ARID2: variants seen among roughly 807,000 people sequenced by gnomAD.
ARID2 encodes the protein AT-rich interactive domain-containing protein 2.
Under a neutral mutation model 184.6 loss-of-function variants are expected in ARID2, and 32 were observed. The observed-to-expected ratio is 0.17, with a 90% CI of 0.13 to 0.23. The LOEUF is 0.23. Ranked by LOEUF, ARID2 falls within the 10% of genes least tolerant of loss-of-function variation. The pLI is 1.00. For synonymous variants in ARID2, 836 were observed against 772.6 expected (o/e 1.08, Z -1.36); for missense variants, 1,696 against 2,197.6 (o/e 0.77, Z 4.56).
chr12:45,731,825 TTAGG>T (rs1359239206), intron 3 of ARID2, among the ~76,000 whole-genome samples: 1 of 152,070 alleles, frequency 6.6e-6, no homozygotes, highest in Non-Finnish European at 1.5e-5. Context: ...TGTTGGTGGC[TTAGG>T]TGACCAGGAT....
intron 15 of ARID2, among the ~76,000 whole-genome samples, chr12:45,858,633 T>C (rs543573007): frequency 6.6e-6 from 1 of 152,330 alleles, no homozygotes; most frequent in South Asian, 2.1e-4. Flanking sequence ...AGGCTTCTCA[T>C]TTATAGTTTC....
At chr12:45,769,098 G>A (rs1323293027) in intron 3 of ARID2, among the ~76,000 whole-genome samples, 1 of 152,256 alleles carries the variant, frequency 6.6e-6, no homozygotes, top group African/African-American at 2.4e-5. Context: ...AATATCCAGA[G>A]TGGCTATAAT....
At chr12:45,761,205 C>T (rs1414326638) in intron 3 of ARID2, among the ~76,000 whole-genome samples, 1 of 152,116 alleles carries the variant, frequency 6.6e-6, no homozygotes, top group African/African-American at 2.4e-5. Flanking sequence ...AGAAGTTTAG[C>T]ATACTCTCCA....
chr12:45,850,355 T>G lies in ARID2; in HGVS notation c.2232T>G (p.Val744=), dbSNP rs1565622264. The change falls in exon 15 of 21, where the codon GTT becomes GTG. Residue 744 remains valine (V), a synonymous_variant. Coordinates refer to ENST00000334344, the MANE Select transcript of ARID2 (RefSeq NM_152641.4). Reference sequence around the variant, plus strand: ...GAGGACCTCCACAGAGTTCTGTTGTTCAGAATCATAGTACAGGGCCACAAC... The same window carrying G: ...GAGGACCTCCACAGAGTTCTGTTGTGCAGAATCATAGTACAGGGCCACAAC... ...VGGGPPQSSV[V]QNHSTGPQPV... The G allele has an allele frequency of 1.2e-6, 2 of 1,614,100 alleles. No individual in the cohort carries two copies. Among genetic ancestry groups the G allele is most frequent in the South Asian group, 2.2e-5 (2 of 91,084 alleles).
chr12:45,818,196 T>C (rs948210374), intron 5 of ARID2, among the ~76,000 whole-genome samples: 1 of 152,128 alleles, frequency 6.6e-6, no homozygotes. Context: ...CTGGAAGAAA[T>C]TGTTTTCTGA....
intron 3 of ARID2, among the ~76,000 whole-genome samples, chr12:45,804,195 C>T (rs1181017655): frequency 1.3e-5 from 2 of 152,140 alleles, no homozygotes; most frequent in Non-Finnish European, 2.9e-5. Flanking sequence ...TGGAAATTCT[C>T]TGAATTGCAC....
intron 11 of ARID2, 107 bp downstream of exon 11, chr12:45,839,603 A>T (rs1055425180): frequency 5.6e-5 from 72 of 1,281,278 alleles, no homozygotes; most frequent in Non-Finnish European, 6.0e-5. Flanking sequence ...TTTACAGTAT[A>T]GTAGGCCAAA....
At chr12:45,826,780 T>C (rs1490473059) in intron 6 of ARID2, among the ~76,000 whole-genome samples, 3 of 152,128 alleles carry the variant, frequency 2.0e-5, no homozygotes, top group Non-Finnish European at 4.4e-5. Flanking sequence ...AGGGCAGATA[T>C]TAAAACCATT....
intron 3 of ARID2, among the ~76,000 whole-genome samples, chr12:45,758,604 C>G (rs1394317331): frequency 6.6e-6 from 1 of 152,146 alleles, no homozygotes; most frequent in African/African-American, 2.4e-5. Context: ...TTGTTTCTCT[C>G]TGATATAACA....
chr12:45,891,079 C>T (rs1400080434), intron 16 of ARID2, among the ~76,000 whole-genome samples: 2 of 151,590 alleles, frequency 1.3e-5, no homozygotes, highest in Non-Finnish European at 2.9e-5. Context: ...GCAGAAGAAG[C>T]ACTTGAACCC....
At chr12:45,870,834 C>A (rs1943916063) in intron 16 of ARID2, among the ~76,000 whole-genome samples, 1 of 152,106 alleles carries the variant, frequency 6.6e-6, no homozygotes, top group African/African-American at 2.4e-5. Flanking sequence ...TACAGATGTA[C>A]ATAGTTTGCT....
At chr12:45,757,811 T>C (rs1941597441) in intron 3 of ARID2, among the ~76,000 whole-genome samples, 1 of 152,244 alleles carries the variant, frequency 6.6e-6, no homozygotes. Context: ...ACTTTTGTCA[T>C]GTGAATGCAG....
intron 3 of ARID2, among the ~76,000 whole-genome samples, chr12:45,802,453 TA>T (rs1405946741): frequency 1.3e-5 from 2 of 152,144 alleles, no homozygotes; most frequent in African/African-American, 4.8e-5. Context: ...AAACACCCTT[TA>T]AAAAATGTTC....
chr12:45,813,262 T>C (rs1942743874), intron 4 of ARID2, among the ~76,000 whole-genome samples: 1 of 152,122 alleles, frequency 6.6e-6, no homozygotes, highest in Non-Finnish European at 1.5e-5. Flanking sequence ...ATCTAGTTCA[T>C]ACTGAAAAGG....
Position 45,850,635 on chromosome 12 carries a change from G to T in ARID2, c.2512G>T (p.Ala838Ser), listed in dbSNP as rs749242367. 2.7e-5 allele frequency: 44 copies of T among 1,613,996 alleles called. No homozygotes were observed. In the South Asian group the frequency reaches 4.3e-4, roughly 16 times the overall value. Residue 838 changes from alanine (A) to serine (S), a missense_variant, in exon 15 of 21, where the codon GCT becomes TCT. Physicochemically the swap from Ala to Ser is moderately conservative, Grantham distance 99. Coordinates refer to ENST00000334344, the MANE Select transcript of ARID2 (RefSeq NM_152641.4). ...GCAAACTTCATCTCAACAGACATCAGCTGGTAGCCAGTCACAAGATACTGT... is the reference window on the plus strand; with the variant it reads ...GCAAACTTCATCTCAACAGACATCATCTGGTAGCCAGTCACAAGATACTGT... ...PVQTSSQQTS[A>S]GSQSQDTVII...
At chr12:45,738,026 A>C (rs1941164131) in intron 3 of ARID2, among the ~76,000 whole-genome samples, 2 of 152,202 alleles carry the variant, frequency 1.3e-5, no homozygotes, top group South Asian at 4.1e-4. Context: ...AATTAATTAA[A>C]AATAAGTGTT....
intron 20 of ARID2, among the ~76,000 whole-genome samples, chr12:45,897,845 G>GT (rs965321061): frequency 1.2e-3 from 176 of 146,900 alleles, no homozygotes; most frequent in African/African-American, 1.8e-3. Context: ...AGTTTTTGAG[G>GT]TTTTTTTTTT....
chr12:45,793,291 C>A (rs543514618), intron 3 of ARID2, among the ~76,000 whole-genome samples: 151 of 151,718 alleles, frequency 1.0e-3, no homozygotes, highest in African/African-American at 3.5e-3. Context: ...CAAGAGTGAA[C>A]CTCCATTAAA....
rs1361120748 is a variant in ARID2 at position 45,837,556 on chromosome 12, A to G, written c.1179A>G (p.Glu393=). 1 of 1,614,058 alleles carries G rather than the reference A, an allele frequency of 6.2e-7. No homozygotes were observed. Among genetic ancestry groups the G allele is most frequent in the Admixed American group, 1.7e-5 (1 of 60,020 alleles). Residue 393 remains glutamate, a synonymous_variant, in exon 10 of 21, where the codon GAA becomes GAG. Coordinates refer to ENST00000334344, the MANE Select transcript of ARID2 (RefSeq NM_152641.4). ...KAEDNGVLIC[E]YVDQDSYREI... is the part of the protein sequence containing the mutation. The stretch of plus-strand genomic sequence containing the variant: ...AAGATAATGGTGTTTTAATTTGTGA[A>G]TATGTGGATCAGGATTCCTACAGAG...
Sources: allele counts gnomAD v4.1 joint callset (sites outside exome capture counted in the v4.1 genomes callset), GRCh38; gene constraint gnomAD v4.1.1; transcripts MANE v1.5; gene names NCBI Gene and HGNC (gene_info 2026-07-23, HGNC 2026-07-21).